MYO19: variants seen among roughly 807,000 people sequenced by gnomAD.
MYO19 encodes myosin XIX.
MYO19 carries 132 observed loss-of-function variants against 129.2 expected under a neutral mutation model. That is an observed-to-expected ratio of 1.02 (90% confidence interval 0.89 to 1.18). MYO19 has a LOEUF of 1.18. MYO19 is among the 50% of genes most tolerant of loss of function. The pLI is 0.00. For missense variants in MYO19, 1,210 were observed against 1,216.7 expected (o/e 0.99, Z 0.08); for synonymous variants, 531 against 477.2 (o/e 1.11, Z -1.47).
rs1381254681 is a variant in MYO19 at position 36,534,842 on chromosome 17, G to C, written c.-377C>G. 1 of 152,456 alleles carries C rather than the reference G, an allele frequency of 6.6e-6. No individual in the cohort carries two copies. Among genetic ancestry groups the C allele is most frequent in the Non-Finnish European group, 1.5e-5 (1 of 68,226 alleles). The allele number at this position is 152,456 out of a possible 1,614,324, so 9.4% of individuals were successfully genotyped here. ...GCGGGCGGGCCAGGTCAGGCGGCGG[G>C]AAGAACACGGGCAGGAGAGAAAAGA... On this transcript the variant is annotated 5_prime_UTR_variant, in exon 1 of 26. Coordinates refer to ENST00000614623, the MANE Select transcript of MYO19 (RefSeq NM_001163735.2).
chr17:36,497,488 A>T, intron 25 of MYO19: 1 of 972,404 alleles, frequency 1.0e-6, no homozygotes, highest in Non-Finnish European at 1.2e-6. Flanking sequence ...TGTGGGACTA[A>T]TTAGATTATT....
At chr17:36,506,841 T>G (rs2071929658) in intron 17 of MYO19, 122 bp downstream of exon 17, 1 of 1,281,120 alleles carries the variant, frequency 7.8e-7, no homozygotes, top group Non-Finnish European at 1.0e-6. Context: ...AGATGGTGAT[T>G]CTGGATTCTG....
intron 3 of MYO19, among the ~76,000 whole-genome samples, chr17:36,531,688 C>T (rs1329815072): frequency 6.6e-6 from 1 of 152,056 alleles, no homozygotes; most frequent in Non-Finnish European, 1.5e-5. Flanking sequence ...GTTCCAGGAG[C>T]CATATGGCTG....
At chr17:36,521,034 T>A (rs7224434) in intron 6 of MYO19, among the ~76,000 whole-genome samples, 45,598 of 152,226 alleles carry the variant, frequency 0.3, 8,315 homozygotes, top group Non-Finnish European at 0.41. Flanking sequence ...TCTGTTGATA[T>A]GCCCAAAGAT....
chr17:36,511,071 T>C, intron 12 of MYO19, 154 bp from the exon 13 acceptor site: 1 of 892,360 alleles, frequency 1.1e-6, no homozygotes, highest in Non-Finnish European at 1.7e-6. Context: ...AAGGACTCCA[T>C]AAACAGCAGT....
At chr17:36,516,952 A>G (rs768707854) in intron 6 of MYO19, among the ~76,000 whole-genome samples, 10 of 152,150 alleles carry the variant, frequency 6.6e-5, no homozygotes, top group Non-Finnish European at 1.2e-4. Context: ...AATGTTTGGT[A>G]GAATTCACAA....
chr17:36,543,788 C>T (rs1178806147), upstream of MYO19, among the ~76,000 whole-genome samples: 4 of 152,044 alleles, frequency 2.6e-5, no homozygotes, highest in Admixed American at 2.0e-4. Context: ...CCACGCCCGG[C>T]TAATTTTTGT....
At chr17:36,502,381 T>C (rs906339305) in intron 21 of MYO19, among the ~76,000 whole-genome samples, 1 of 152,194 alleles carries the variant, frequency 6.6e-6, no homozygotes, top group African/African-American at 2.4e-5. Context: ...TCTTTTCCTC[T>C]TGCTTTTCCT....
chr17:36,531,274 A>T (rs1260877686), intron 3 of MYO19, among the ~76,000 whole-genome samples: 1 of 151,354 alleles, frequency 6.6e-6, no homozygotes, highest in Non-Finnish European at 1.5e-5. Context: ...CAGCACCAGT[A>T]GTCCCAACTA....
At position 36,507,418 on chromosome 17, in the gene MYO19, A is replaced by G; in HGVS notation, c.1448T>C (p.Ile483Thr). The change falls in exon 16 of 26, where the codon ATC becomes ACC. Residue 483 changes from isoleucine (I) to threonine (T), a missense_variant. Transcript: ENST00000614623. The stretch of plus-strand genomic sequence containing the variant: ...CCCCACCTCATTTATGAGGGAGCAG[A>G]TGCTGATGGGGCTTCCCTCAATGAG... ...LDLIEGSPISICSLINEECRL... is the reference protein window; with the variant it reads ...LDLIEGSPISTCSLINEECRL... The G allele has an allele frequency of 6.2e-7, 1 of 1,613,618 alleles. No individual in the cohort carries two copies. Among genetic ancestry groups the G allele is most frequent in the East Asian group, 2.2e-5 (1 of 44,878 alleles).
chr17:36,526,357 T>C (rs1289150718), intron 5 of MYO19, among the ~76,000 whole-genome samples: 2 of 152,124 alleles, frequency 1.3e-5, no homozygotes, highest in East Asian at 1.9e-4. Flanking sequence ...TGCTCTCATC[T>C]ACTCCCTCTT....
rs1461972211 is a variant in MYO19, at chr17:36,532,690, T to C, written c.-143-9A>G. 3 of 906,658 alleles carry C rather than the reference T, an allele frequency of 3.3e-6. No homozygotes were observed. In the African/African-American group the frequency reaches 5.0e-5, roughly 15 times the overall value. 56.2% of individuals were successfully genotyped at this position (906,658 alleles called of 1,614,324 possible). Reference sequence around the variant, plus strand: ...ACAAGTCACTCCAGCGCCTGTGGCATGAGAGAGAAGACAAGGACCACACAC... The same window carrying C: ...ACAAGTCACTCCAGCGCCTGTGGCACGAGAGAGAAGACAAGGACCACACAC... On this transcript the variant is annotated splice_polypyrimidine_tract_variant and intron_variant, in intron 2 of 25. Coordinates refer to ENST00000614623, the MANE Select transcript of MYO19 (RefSeq NM_001163735.2).
intron 3 of MYO19, 49 bp downstream of exon 3, chr17:36,532,478 G>C (rs1427748144): frequency 6.4e-7 from 1 of 1,551,740 alleles, no homozygotes; most frequent in Non-Finnish European, 8.7e-7. Flanking sequence ...GCTAGCAACA[G>C]ATGCTGCAGG....
chr17:36,513,822 A>G, intron 9 of MYO19, 97 bp from the exon 10 acceptor site: 2 of 1,058,296 alleles, frequency 1.9e-6, no homozygotes, highest in Non-Finnish European at 1.4e-6. Flanking sequence ...GAGAGTTGGT[A>G]GCAACATCAC....
At chr17:36,525,085 G>T (rs2073379012) in intron 6 of MYO19, 143 bp downstream of exon 6, 1 of 648,804 alleles carries the variant, frequency 1.5e-6, no homozygotes, top group Admixed American at 2.4e-5. Context: ...GCCCACCATT[G>T]TGCACCAACC....
chr17:36,537,735 C>T (rs1177424625), upstream of MYO19: 1 of 1,613,896 alleles, frequency 6.2e-7, no homozygotes, highest in Non-Finnish European at 8.5e-7. Flanking sequence ...ATTAGTCTTC[C>T]TAGGAATCGG....
At chr17:36,512,719 T>A (rs1212315530) in intron 11 of MYO19, 38 of 1,288,980 alleles carry the variant, frequency 2.9e-5, no homozygotes, top group Non-Finnish European at 3.7e-5. Context: ...CATTGCTACC[T>A]CCCTGAAGTG....
chr17:36,509,047 G>C lies in MYO19; in HGVS notation c.1231+15C>G, dbSNP rs781503226. The C allele has an allele frequency of 1.2e-6, 2 of 1,612,010 alleles. No homozygotes were observed. The highest frequency in any genetic ancestry group is 3.3e-5 in the Admixed American group (2 of 59,832). ...CTTTTTCTGGAGTGCTCCCAGCACA[G>C]TGAGGCCTTGCTACCTATGAAAGTG... is the stretch of plus-strand genomic sequence containing the variant. On this transcript the variant is annotated intron_variant, in intron 14 of 25. Coordinates refer to ENST00000614623, the MANE Select transcript of MYO19 (RefSeq NM_001163735.2).
chr17:36,510,642 C>T, intron 13 of MYO19, 104 bp downstream of exon 13: 1 of 1,303,738 alleles, frequency 7.7e-7, no homozygotes, highest in Non-Finnish European at 1.0e-6. Flanking sequence ...TCTTATCTCC[C>T]ACCCTGGGCC....
Sources: allele counts gnomAD v4.1 joint callset (sites outside exome capture counted in the v4.1 genomes callset), GRCh38; gene constraint gnomAD v4.1.1; transcripts MANE v1.5; gene names NCBI Gene and HGNC (gene_info 2026-07-23, HGNC 2026-07-21).